The following IFT74 variants were observed in gnomAD, a reference collection of about 807,000 sequenced individuals.
IFT74 encodes intraflagellar transport protein 74 homolog.
In IFT74, 92 loss-of-function variants were observed where a neutral mutation model predicts 96.7. The observed-to-expected ratio is 0.95, with a 90% CI of 0.80 to 1.13. IFT74 has a LOEUF of 1.13. IFT74 is among the 50% of genes most tolerant of loss of function. The probability of loss-of-function intolerance (pLI) is 0.00; values close to 1 mark genes in which losing one functional copy is unlikely to be tolerated. For missense variants in IFT74, 811 were observed against 698.2 expected (o/e 1.16, Z -1.82); for synonymous variants, 223 against 213.2 (o/e 1.05, Z -0.40).
intron 2 of IFT74, among the ~76,000 whole-genome samples, chr9:26,974,136 G>A (rs1323092234): frequency 6.6e-6 from 1 of 152,070 alleles, no homozygotes; most frequent in Non-Finnish European, 1.5e-5. Context: ...GGGTTTTTTG[G>A]ATCCTTTATA....
At chr9:26,954,553 C>A (rs534912207), upstream of IFT74, among the ~76,000 whole-genome samples, 5 of 150,378 alleles carry the variant, frequency 3.3e-5, no homozygotes, top group South Asian at 1.1e-3. Context: ...GTACAGGGTG[C>A]ACTGAGGACA....
intron 13 of IFT74, among the ~76,000 whole-genome samples, chr9:27,040,823 A>G (rs1819445273): frequency 6.6e-6 from 1 of 152,196 alleles, no homozygotes; most frequent in Non-Finnish European, 1.5e-5. Context: ...GGAAAATGGT[A>G]ATCAGACCTT....
Position 27,060,627 on chromosome 9 carries a change from C to T in IFT74, c.1660C>T (p.Gln554Ter). 6.3e-7 allele frequency: 1 copy of T among 1,597,920 alleles called. No homozygotes were observed. Among genetic ancestry groups the T allele is most frequent in the Non-Finnish European group, 8.5e-7 (1 of 1,170,172 alleles). ...NLERKWQHLEQNNFAMKEFIA... is the reference protein window; with the variant it reads ...NLERKWQHLE The stretch of plus-strand genomic sequence containing the variant: ...GGAGAGAAAGTGGCAACACCTTGAG[C>T]AAAATAATTTTGCGATGAAAGAATG... Residue 554 changes from glutamine (Q) to a stop codon, truncating the protein, a stop_gained, in exon 19 of 20, where the codon CAA (glutamine) becomes TAA (stop). Transcript: ENST00000380062. LOFTEE classifies it high-confidence loss of function.
intron 6 of IFT74, among the ~76,000 whole-genome samples, chr9:26,987,067 T>G (rs1280918067): frequency 6.6e-6 from 1 of 152,168 alleles, no homozygotes; most frequent in Non-Finnish European, 1.5e-5. Flanking sequence ...TTGTTCTTCT[T>G]GAGATGGAGT....
chr9:26,979,500 A>G (rs975232378), intron 3 of IFT74, among the ~76,000 whole-genome samples: 3 of 152,072 alleles, frequency 2.0e-5, no homozygotes, highest in African/African-American at 7.2e-5. Context: ...TTAAGAGAGA[A>G]TTCGGAACAT....
chr9:27,033,356 G>C (rs982212387), intron 13 of IFT74, among the ~76,000 whole-genome samples: 1 of 151,872 alleles, frequency 6.6e-6, no homozygotes, highest in South Asian at 2.1e-4. Context: ...TCAGAAGTTC[G>C]AGACCAGCCT....
chr9:27,038,848 C>T (rs1819334962), intron 13 of IFT74, among the ~76,000 whole-genome samples: 1 of 152,178 alleles, frequency 6.6e-6, no homozygotes, highest in Non-Finnish European at 1.5e-5. Context: ...AACAAAGCCT[C>T]CGTGTCACCT....
intron 13 of IFT74, among the ~76,000 whole-genome samples, chr9:27,031,161 T>C (rs991682172): frequency 6.6e-6 from 1 of 152,096 alleles, no homozygotes; most frequent in African/African-American, 2.4e-5. Context: ...GTGCCCAGCT[T>C]GTTTTTGTTA....
chr9:26,963,506 C>T (rs918557140), intron 2 of IFT74, among the ~76,000 whole-genome samples: 7 of 149,310 alleles, frequency 4.7e-5, no homozygotes, highest in South Asian at 2.2e-4. Context: ...ATGGTATTTC[C>T]AGTTCTAGAT....
At chr9:26,953,694 A>AGGT (rs571775420), upstream of IFT74, among the ~76,000 whole-genome samples, 123 of 149,220 alleles carry the variant, frequency 8.2e-4, 1 homozygote, top group African/African-American at 2.9e-3. Flanking sequence ...CATTTTTTGT[A>AGGT]GGGGGGGGGT....
chr9:27,052,059 A>G (rs1181448463), intron 16 of IFT74, among the ~76,000 whole-genome samples: 1 of 152,248 alleles, frequency 6.6e-6, no homozygotes, highest in Admixed American at 6.5e-5. Context: ...TGTAAATTCA[A>G]CAAGTTTTTC....
chr9:27,011,871 T>C, intron 9 of IFT74, 35 bp from the exon 10 acceptor site: 1 of 1,422,620 alleles, frequency 7.0e-7, no homozygotes, highest in Non-Finnish European at 9.5e-7. Flanking sequence ...CTTAATGTAA[T>C]TTGGATTTAT....
intron 9 of IFT74, among the ~76,000 whole-genome samples, chr9:27,010,220 A>C (rs1327987182): frequency 1.3e-5 from 2 of 150,692 alleles, no homozygotes; most frequent in Non-Finnish European, 3.0e-5. Context: ...TGATCGCCTG[A>C]CCTCGTGATC....
rs752655360 is a variant in IFT74, at chr9:27,060,961, C to CAA, written c.1684+339_1684+340dup. 3.7e-3 allele frequency: 140 copies of CAA among 38,316 alleles called. 3 individuals carry two copies. The highest frequency in any genetic ancestry group is 0.01 in the East Asian group (7 of 690). 2.4% of individuals were successfully genotyped at this position (38,316 alleles called of 1,614,324 possible). A position where few individuals can be genotyped will look rare whatever the true frequency, so the allele number is the denominator to read the frequency against. ...TGGGCGACAGAGCAAGACTCCATCT[C>CAA]AAAAAAAAAAAAAAAAAAAAAAAAA... On this transcript the variant is annotated intron_variant, in intron 19 of 19. Coordinates refer to ENST00000380062, the MANE Select transcript of IFT74 (RefSeq NM_025103.4).
chr9:26,952,976 A>T (rs1429166734), upstream of IFT74, among the ~76,000 whole-genome samples: 1 of 152,232 alleles, frequency 6.6e-6, no homozygotes, highest in Non-Finnish European at 1.5e-5. Flanking sequence ...TATATAACTA[A>T]CTTAGTAGGG....
intron 19 of IFT74, among the ~76,000 whole-genome samples, chr9:27,061,305 C>A (rs1485981981): frequency 6.6e-6 from 1 of 152,188 alleles, no homozygotes; most frequent in Admixed American, 6.5e-5. Flanking sequence ...TAAATGTCAA[C>A]TCTACTGCTT....
chr9:27,000,337 G>A (rs1218723664), intron 8 of IFT74, among the ~76,000 whole-genome samples: 1 of 152,088 alleles, frequency 6.6e-6, no homozygotes, highest in Admixed American at 6.6e-5. Flanking sequence ...AGAAATTCAG[G>A]AAAACGTATA....
chr9:27,014,758 A>G (rs559804941), intron 10 of IFT74, among the ~76,000 whole-genome samples: 213 of 152,218 alleles, frequency 1.4e-3, no homozygotes, highest in Middle Eastern at 3.4e-3. Context: ...ACAAGCGTGC[A>G]TCACCATGCC....
At chr9:27,000,841 T>C (rs924652881) in intron 8 of IFT74, among the ~76,000 whole-genome samples, 1 of 152,156 alleles carries the variant, frequency 6.6e-6, no homozygotes, top group Non-Finnish European at 1.5e-5. Context: ...AAAATAAAAG[T>C]TGAAGGAAAA....
Sources: allele counts gnomAD v4.1 joint callset (sites outside exome capture counted in the v4.1 genomes callset), GRCh38; gene constraint gnomAD v4.1.1; transcripts MANE v1.5; gene names NCBI Gene and HGNC (gene_info 2026-07-23, HGNC 2026-07-21).